Variants in DNAH3 observed in about 807,000 individuals in gnomAD.
The protein encoded by DNAH3 is axonemal beta dynein heavy chain 3.
Under a neutral mutation model 432.5 loss-of-function variants are expected in DNAH3, and 332 were observed. The observed-to-expected ratio is 0.77, with a 90% CI of 0.70 to 0.84. The LOEUF (loss-of-function observed/expected upper bound fraction) is 0.84, where lower values mean the gene tolerates loss of function less well. Ranked by LOEUF, DNAH3 falls within the 40% of genes least tolerant of loss-of-function variation. The probability of loss-of-function intolerance (pLI) is 0.00; values close to 1 mark genes in which losing one functional copy is unlikely to be tolerated. For missense variants in DNAH3, 4,861 were observed against 5,114.0 expected (o/e 0.95, Z 1.51); for synonymous variants, 1,956 against 1,900.2 (o/e 1.03, Z -0.76).
intron 15 of DNAH3, among the ~76,000 whole-genome samples, chr16:21,105,738 T>C (rs1432499806): frequency 1.3e-5 from 2 of 151,992 alleles, no homozygotes; most frequent in Non-Finnish European, 2.9e-5. Flanking sequence ...CACTACAGCC[T>C]GGATGACAGA....
rs1415859456 is a variant in DNAH3 at position 21,061,229 on chromosome 16, GC to G, written c.3721-874del. Among the ~76,000 whole-genome samples, 13 of 128,834 alleles carry G rather than the reference GC, an allele frequency of 1.0e-4. No homozygotes were observed. The East Asian group carries it at 3.0e-3, about 30-fold the overall frequency. 84.5% of individuals were successfully genotyped at this position (128,834 alleles called of 152,430 possible). On this transcript the variant is annotated intron_variant, in intron 25 of 61. Transcript: ENST00000261383. The stretch of plus-strand genomic sequence containing the variant: ...CATATGCCTTCTAAAGGGGCGATAG[GC>G]CTTTTTTTTTTTTTTTTTTTTGAGA...
chr16:21,154,551 G>A (rs549972460), intron 1 of DNAH3, among the ~76,000 whole-genome samples: 7 of 152,230 alleles, frequency 4.6e-5, no homozygotes, highest in South Asian at 4.1e-4. Context: ...AATGGCTTTC[G>A]CTTATTGAGC....
chr16:20,981,262 G>A (rs2085883678), intron 49 of DNAH3, among the ~76,000 whole-genome samples: 1 of 152,200 alleles, frequency 6.6e-6, no homozygotes, highest in African/African-American at 2.4e-5. Flanking sequence ...TGGAAATGAA[G>A]ATGTAATGTT....
At chr16:20,997,448 G>A in exon 44 of DNAH3, 4 of 1,614,046 alleles carry the variant, frequency 2.5e-6, no homozygotes, top group Non-Finnish European at 3.4e-6. Flanking sequence ...TCTTTGGCTG[G>A]CATGTTGAGG....
chr16:20,979,458 T>C (rs757716864), exon 50 of DNAH3: 1 of 1,614,100 alleles, frequency 6.2e-7, no homozygotes, highest in Admixed American at 1.7e-5. Flanking sequence ...GAGGTGGGGG[T>C]AACATAGTTG....
At chr16:20,939,438 C>A (rs900170334) in intron 59 of DNAH3, among the ~76,000 whole-genome samples, 4 of 152,080 alleles carry the variant, frequency 2.6e-5, no homozygotes, top group African/African-American at 9.7e-5. Flanking sequence ...ATGGCGAAAT[C>A]CTGTCTCTAC....
At chr16:20,957,721 C>T (rs1029213699) in intron 54 of DNAH3, among the ~76,000 whole-genome samples, 9 of 146,148 alleles carry the variant, frequency 6.2e-5, no homozygotes, top group African/African-American at 2.0e-4. Flanking sequence ...GCAGGAGAAT[C>T]GCTTGAACCC....
At chr16:20,969,920 A>G in exon 52 of DNAH3, 1 of 1,614,130 alleles carries the variant, frequency 6.2e-7, no homozygotes, top group South Asian at 1.1e-5. Context: ...GGCCGGGTTC[A>G]GGGTGTCCAG....
chr16:21,056,701 G>A (rs996873776), intron 27 of DNAH3, among the ~76,000 whole-genome samples: 4 of 152,108 alleles, frequency 2.6e-5, no homozygotes, highest in African/African-American at 4.8e-5. Context: ...TTTAGGATAC[G>A]GAGACACATC....
chr16:20,981,996 A>G (rs2085924886), intron 49 of DNAH3, among the ~76,000 whole-genome samples: 1 of 103,166 alleles, frequency 9.7e-6, no homozygotes. Flanking sequence ...AAGCACATAT[A>G]TAATATATAA....
intron 21 of DNAH3, among the ~76,000 whole-genome samples, chr16:21,071,714 C>T (rs2152763429): frequency 6.6e-6 from 1 of 152,036 alleles, no homozygotes; most frequent in Admixed American, 6.5e-5. Context: ...ATAGCAAGAC[C>T]CCATCTCTAA....
chr16:20,990,950 G>A (rs2086524596), intron 44 of DNAH3, among the ~76,000 whole-genome samples: 1 of 152,110 alleles, frequency 6.6e-6, no homozygotes. Context: ...GAATCCGGGA[G>A]GCAGAGGTTA....
chr16:20,944,018 C>T (rs1329684402), intron 58 of DNAH3, among the ~76,000 whole-genome samples: 1 of 150,882 alleles, frequency 6.6e-6, no homozygotes, highest in East Asian at 1.9e-4. Context: ...AAAACAGCAA[C>T]AACAACAAAC....
chr16:21,068,325 T>TGGGGGGGGGGGGG (rs10547729), intron 23 of DNAH3, among the ~76,000 whole-genome samples: 2 of 76,594 alleles, frequency 2.6e-5, no homozygotes, highest in Non-Finnish European at 6.1e-5. Context: ...TTTTTTTGGG[T>TGGGGGGGGGGGGG]GGGGGGGGGG....
At chr16:21,152,174 G>T (rs1004259755) in intron 1 of DNAH3, among the ~76,000 whole-genome samples, 3 of 152,080 alleles carry the variant, frequency 2.0e-5, no homozygotes, top group Non-Finnish European at 4.4e-5. Context: ...GGAGGTTGCA[G>T]TGAGCACAGA....
intron 52 of DNAH3, among the ~76,000 whole-genome samples, chr16:20,966,835 T>C (rs2085085560): frequency 6.6e-6 from 1 of 152,132 alleles, no homozygotes; most frequent in Non-Finnish European, 1.5e-5. Flanking sequence ...TGAAGGAGGC[T>C]GGAAGAAGCA....
At chr16:21,131,463 G>A (rs1470602126) in intron 7 of DNAH3, among the ~76,000 whole-genome samples, 7 of 52,486 alleles carry the variant, frequency 1.3e-4, no homozygotes, top group Non-Finnish European at 1.4e-4. Context: ...AAGAAAGGAA[G>A]GAAGGAAGGA....
chr16:20,964,472 T>A, exon 53 of DNAH3: 1 of 1,614,228 alleles, frequency 6.2e-7, no homozygotes, highest in Non-Finnish European at 8.5e-7. Flanking sequence ...ATAGGTTCGA[T>A]AGAAGCATCC....
intron 32 of DNAH3, 74 bp downstream of exon 32, chr16:21,041,953 G>A: frequency 6.4e-7 from 1 of 1,564,874 alleles, no homozygotes; most frequent in East Asian, 2.2e-5. Context: ...GATTATAGGT[G>A]TGAGCCGCCA....
Sources: allele counts gnomAD v4.1 joint callset (sites outside exome capture counted in the v4.1 genomes callset), GRCh38; gene constraint gnomAD v4.1.1; transcripts MANE v1.5; gene names NCBI Gene and HGNC (gene_info 2026-07-23, HGNC 2026-07-21).